The following DHRSX variants were observed in gnomAD, a reference collection of about 807,000 sequenced individuals.
DHRSX encodes polyprenol dehydrogenase.
DHRSX carries 31 observed loss-of-function variants against 34.0 expected under a neutral mutation model. That is an observed-to-expected ratio of 0.91 (90% CI 0.69 to 1.23). The LOEUF is 1.23. DHRSX is among the 50% of genes most tolerant of loss of function. The pLI, the probability that DHRSX is intolerant of heterozygous loss-of-function variation, is 0.00. For synonymous variants in DHRSX, 201 were observed against 183.8 expected (o/e 1.09, Z -0.76); for missense variants, 414 against 428.1 (o/e 0.97, Z 0.29).
chrX:2,299,205 G>A (rs1289615093), intron 3 of DHRSX, among the ~76,000 whole-genome samples: 2 of 152,026 alleles, frequency 1.3e-5, no homozygotes, highest in Admixed American at 6.6e-5. Flanking sequence ...AAAAATTATC[G>A]AGAGAAGATA....
intron 3 of DHRSX, among the ~76,000 whole-genome samples, chrX:2,371,363 A>ACTATAGTCCCTCCTTCCG (rs2043061526): frequency 9.4e-6 from 1 of 106,538 alleles, no homozygotes; most frequent in African/African-American, 3.9e-5. Flanking sequence ...CCCTCCTCCC[A>ACTATAGTCCCTCCTTCCG]TTACTATAGA....
chrX:2,412,637 T>C (rs1333340195), intron 2 of DHRSX, among the ~76,000 whole-genome samples: 2 of 151,974 alleles, frequency 1.3e-5, no homozygotes, highest in African/African-American at 4.8e-5. Context: ...TACACCCCCA[T>C]GTTCGTTGCA....
intron 6 of DHRSX, among the ~76,000 whole-genome samples, chrX:2,226,582 C>T (rs1190283844): frequency 2.0e-5 from 3 of 152,092 alleles, no homozygotes; most frequent in Non-Finnish European, 2.9e-5. Context: ...AGGCGGATCG[C>T]GAGGTCAGGA....
Position 2,474,713 on chromosome X carries a change from T to G in DHRSX, c.109+26104A>C, listed in dbSNP as rs764127276. Among the ~76,000 whole-genome samples, 148 of 139,570 alleles carry G rather than the reference T, an allele frequency of 1.1e-3. 2 individuals are homozygous for G. The highest frequency in any genetic ancestry group is 1.6e-3 in the Non-Finnish European group (106 of 64,270). The allele number at this position is 139,570 out of a possible 152,430, so 91.6% of individuals were successfully genotyped here. On this transcript the variant is annotated intron_variant, in intron 1 of 6. Transcript: ENST00000334651. ...TCCCTAAGTGTGTGGCTAAGGGACC[T>G]CTGCCATGTACACACTGAAGACGTT...
At chrX:2,392,275 C>A in intron 3 of DHRSX, 1 of 156,300 alleles carries the variant, frequency 6.4e-6, no homozygotes, top group Non-Finnish European at 1.4e-5. Flanking sequence ...TTTTATGAAA[C>A]CTCTGCTTTT....
At chrX:2,425,360 T>G (rs1480780908) in intron 1 of DHRSX, 56 bp from the exon 2 acceptor site, 1 of 1,480,516 alleles carries the variant, frequency 6.8e-7, no homozygotes, top group Non-Finnish European at 9.4e-7. Flanking sequence ...GAGCACATAT[T>G]TGTAAGAATT....
chrX:2,370,567 G>A (rs757661859), intron 3 of DHRSX, among the ~76,000 whole-genome samples: 39 of 133,714 alleles, frequency 2.9e-4, no homozygotes, highest in Non-Finnish European at 5.5e-4. Flanking sequence ...CACTGCCTTT[G>A]TCTTCCAGAA....
chrX:2,289,122 A>T (rs1006289619), intron 4 of DHRSX, among the ~76,000 whole-genome samples: 4 of 142,942 alleles, frequency 2.8e-5, no homozygotes, highest in African/African-American at 1.0e-4. Context: ...GACATTCCTA[A>T]TTTTTTTTTT....
At chrX:2,385,738 G>A (rs1292558825) in intron 3 of DHRSX, among the ~76,000 whole-genome samples, 1 of 151,998 alleles carries the variant, frequency 6.6e-6, no homozygotes, top group Non-Finnish European at 1.5e-5. Flanking sequence ...TTTTTAACCT[G>A]GAAGTCTATT....
At chrX:2,242,519 A>G (rs2016164760) in intron 6 of DHRSX, among the ~76,000 whole-genome samples, 1 of 152,118 alleles carries the variant, frequency 6.6e-6, no homozygotes, top group Non-Finnish European at 1.5e-5. Flanking sequence ...CCAGGCGGTT[A>G]AGGTATGCTA....
intron 3 of DHRSX, among the ~76,000 whole-genome samples, chrX:2,342,661 G>A (rs1483999453): frequency 6.6e-6 from 1 of 152,180 alleles, no homozygotes; most frequent in Non-Finnish European, 1.5e-5. Context: ...AGATGCAGCA[G>A]TAGGTCACTG....
chrX:2,227,419 G>A (rs2015695115), intron 6 of DHRSX, among the ~76,000 whole-genome samples: 1 of 149,760 alleles, frequency 6.7e-6, no homozygotes, highest in South Asian at 2.1e-4. Flanking sequence ...CATAATGGGA[G>A]GGAAGGAAGG....
intron 3 of DHRSX, among the ~76,000 whole-genome samples, chrX:2,339,472 T>A (rs1468238536): frequency 6.6e-6 from 1 of 152,010 alleles, no homozygotes; most frequent in Admixed American, 6.6e-5. Context: ...TTTGTGAGAT[T>A]TTGGTGCACC....
intron 5 of DHRSX, among the ~76,000 whole-genome samples, chrX:2,260,432 G>C (rs1486466887): frequency 1.3e-5 from 2 of 151,044 alleles, no homozygotes; most frequent in African/African-American, 4.9e-5. Context: ...CCTTCTCTGT[G>C]TCTCTCTGTC....
chrX:2,345,394 G>A (rs751421767), intron 3 of DHRSX, among the ~76,000 whole-genome samples: 75 of 150,064 alleles, frequency 5.0e-4, no homozygotes, highest in African/African-American at 1.8e-3. Flanking sequence ...TATAATCCCA[G>A]CACTTTGGGC....
chrX:2,274,509 C>T (rs1373620559), intron 4 of DHRSX, among the ~76,000 whole-genome samples: 1 of 150,884 alleles, frequency 6.6e-6, no homozygotes, highest in African/African-American at 2.4e-5. Context: ...CTCCGCCTCC[C>T]GGGTTGAAGT....
At chrX:2,439,410 A>C (rs1031857852) in intron 1 of DHRSX, among the ~76,000 whole-genome samples, 19 of 151,838 alleles carry the variant, frequency 1.3e-4, no homozygotes, top group Non-Finnish European at 4.4e-5. Flanking sequence ...TTCAATCCAT[A>C]CTCTGACAAG....
intron 3 of DHRSX, among the ~76,000 whole-genome samples, chrX:2,324,770 T>TTTC (rs1267788032): frequency 6.8e-5 from 8 of 117,808 alleles, no homozygotes; most frequent in African/African-American, 3.1e-4. Flanking sequence ...TTTTCTTTTC[T>TTTC]TTTTTTTTTT....
chrX:2,454,850 C>T (rs1174082858), intron 1 of DHRSX, among the ~76,000 whole-genome samples: 3 of 152,040 alleles, frequency 2.0e-5, no homozygotes, highest in African/African-American at 4.8e-5. Flanking sequence ...TGGTGGCTCA[C>T]GCCTGTAATC....
Sources: allele counts gnomAD v4.1 joint callset (sites outside exome capture counted in the v4.1 genomes callset), GRCh38; gene constraint gnomAD v4.1.1; transcripts MANE v1.5; gene names NCBI Gene and HGNC (gene_info 2026-07-23, HGNC 2026-07-21).